The following TMEM132C variants were observed in gnomAD, a reference collection of about 807,000 sequenced individuals.
The protein encoded by TMEM132C is protein phosphatase 1, regulatory subunit 152.
A neutral mutation model predicts 61.4 loss-of-function variants in TMEM132C; 29 were observed. That is an observed-to-expected ratio of 0.47 (90% confidence interval 0.35 to 0.64). The LOEUF (loss-of-function observed/expected upper bound fraction) is 0.64. Among genes scored for constraint, TMEM132C ranks in the 30% least tolerant of loss-of-function variants. The pLI, the probability that TMEM132C is intolerant of heterozygous loss-of-function variation, is 0.00. For missense variants in TMEM132C, 1,408 were observed against 1,476.9 expected, an observed-to-expected ratio of 0.95 and a Z score of 0.76; for synonymous variants, 656 against 633.1, an observed-to-expected ratio of 1.04 and a Z score of -0.54.
intron 4 of TMEM132C, among the ~76,000 whole-genome samples, chr12:128,639,801 T>C (rs75431327): frequency 6.2e-4 from 95 of 152,330 alleles, no homozygotes; most frequent in African/African-American, 1.9e-3. Context: ...GATGAATTTG[T>C]CATCCTTCCT....
At chr12:128,429,259 G>A (rs2136036426) in intron 2 of TMEM132C, among the ~76,000 whole-genome samples, 1 of 152,308 alleles carries the variant, frequency 6.6e-6, no homozygotes, top group South Asian at 2.1e-4. Context: ...GATAGTGCTA[G>A]ATATCCTACA....
chr12:128,583,014 G>A (rs12425025), intron 3 of TMEM132C, among the ~76,000 whole-genome samples: 43,127 of 152,098 alleles, frequency 0.28, 6,882 homozygotes, highest in South Asian at 0.5. Flanking sequence ...TGGAACAGCA[G>A]TTCCATTTGT....
chr12:128,462,881 CA>C (rs1565943323), intron 2 of TMEM132C, among the ~76,000 whole-genome samples: 1 of 152,198 alleles, frequency 6.6e-6, no homozygotes, highest in Admixed American at 6.5e-5. Context: ...TCCCCAATAA[CA>C]GCAGTTTAAA....
chr12:128,441,130 G>C (rs898449506), intron 2 of TMEM132C, among the ~76,000 whole-genome samples: 12 of 152,224 alleles, frequency 7.9e-5, no homozygotes, highest in African/African-American at 2.9e-4. Flanking sequence ...AAACCCAAGA[G>C]ATGTCACAAA....
chr12:128,368,538 C>T (rs572155228), intron 1 of TMEM132C, among the ~76,000 whole-genome samples: 1 of 152,290 alleles, frequency 6.6e-6, no homozygotes, highest in East Asian at 1.9e-4. Context: ...AGTCATCACT[C>T]TGGAAATGTT....
Position 128,697,238 on chromosome 12 carries a change from G to A in TMEM132C, c.1944G>A (p.Leu648=), listed in dbSNP as rs1159686888. ...CAATCCCACAGGTGTTGTCTCCACT[G>A]TCTGACTCCATCCTGGCAGAGAAGA... is the stretch of plus-strand genomic sequence containing the variant. ...GMTTIQVLSP[L]SDSILAEKTI... Residue 648 remains leucine, a synonymous_variant, in exon 8 of 9, where the codon CTG becomes CTA. Transcript: ENST00000435159. The A allele has an allele frequency of 6.6e-7, 1 of 1,525,574 alleles. No homozygotes were observed. The highest frequency in any genetic ancestry group is 1.2e-5 in the South Asian group (1 of 81,922). 94.5% of individuals were successfully genotyped at this position (1,525,574 alleles called of 1,614,324 possible).
chr12:128,686,614 T>C (rs7298143), intron 5 of TMEM132C, among the ~76,000 whole-genome samples: 124,125 of 152,140 alleles, frequency 0.82, 52,320 homozygotes, highest in East Asian at 0.91. Flanking sequence ...ACAACAACAC[T>C]GTGTAGGCCA....
chr12:128,646,106 G>T (rs1316614190), intron 4 of TMEM132C, among the ~76,000 whole-genome samples: 1 of 151,370 alleles, frequency 6.6e-6, no homozygotes, highest in Non-Finnish European at 1.5e-5. Context: ...ATCAGCATTG[G>T]ATGTGAGTGT....
intron 1 of TMEM132C, among the ~76,000 whole-genome samples, chr12:128,374,753 C>T (rs745822680): frequency 3.3e-5 from 5 of 151,844 alleles, no homozygotes; most frequent in Non-Finnish European, 5.9e-5. Context: ...AACCCCATCT[C>T]TACTAAAAAT....
chr12:128,431,246 G>A lies in TMEM132C; in HGVS notation c.974+15626G>A, dbSNP rs1869375836. The stretch of plus-strand genomic sequence containing the variant: ...ATCCACAACTTTTCTTTAAGCCAAA[G>A]CCTAATCCAGAGCATGGCTCTAGTT... On this transcript the variant is annotated intron_variant, in intron 2 of 8. Coordinates refer to ENST00000435159, the MANE Select transcript of TMEM132C (RefSeq NM_001136103.3). 2.0e-5 allele frequency among the ~76,000 whole-genome samples: 3 copies of A among 152,360 alleles called. No individual in the cohort carries two copies. The South Asian group carries it at 6.2e-4, about 32-fold the overall frequency.
intron 1 of TMEM132C, among the ~76,000 whole-genome samples, chr12:128,396,034 A>G (rs1415083971): frequency 2.0e-5 from 3 of 152,148 alleles, no homozygotes; most frequent in Non-Finnish European, 2.9e-5. Flanking sequence ...CCTTTAGTAG[A>G]GTTGGTGGTA....
chr12:128,418,527 G>A (rs570760312), intron 2 of TMEM132C, among the ~76,000 whole-genome samples: 7 of 152,250 alleles, frequency 4.6e-5, no homozygotes, highest in East Asian at 1.9e-4. Context: ...GACTGAAGGC[G>A]CTTCTTTAAA....
intron 1 of TMEM132C, among the ~76,000 whole-genome samples, chr12:128,357,991 C>T (rs189732498): frequency 6.6e-5 from 10 of 152,188 alleles, no homozygotes; most frequent in East Asian, 1.9e-4. Context: ...CCTTGGTCCC[C>T]GGGGGTTTTG....
chr12:128,625,713 G>T, intron 4 of TMEM132C, among the ~76,000 whole-genome samples: 1 of 152,184 alleles, frequency 6.6e-6, no homozygotes. Flanking sequence ...CCCACAACAT[G>T]TACCAATTAT....
chr12:128,474,829 G>A lies in TMEM132C; in HGVS notation c.974+59209G>A, dbSNP rs549720687. 1.2e-4 allele frequency among the ~76,000 whole-genome samples: 18 copies of A among 152,260 alleles called. No homozygotes were observed. In the South Asian group the frequency reaches 3.5e-3, roughly 30 times the overall value. On this transcript the variant is annotated intron_variant, in intron 2 of 8. Transcript: ENST00000435159. ...TGCACAAATTGGTACCACATAGTAT[G>A]TCTCAGAAACAACCTGCCCCTTTCT...
chr12:128,605,182 A>G (rs886319025), intron 3 of TMEM132C, among the ~76,000 whole-genome samples: 1 of 151,840 alleles, frequency 6.6e-6, no homozygotes, highest in African/African-American at 2.4e-5. Flanking sequence ...GGCTCATGCA[A>G]TTATAGAGGC....
intron 8 of TMEM132C, among the ~76,000 whole-genome samples, chr12:128,701,374 G>T (rs917297305): frequency 6.6e-6 from 1 of 152,158 alleles, no homozygotes; most frequent in African/African-American, 2.4e-5. Flanking sequence ...GAGCCAGCTG[G>T]TGTTGGCCAG....
chr12:128,600,232 T>C (rs987646616), intron 3 of TMEM132C, among the ~76,000 whole-genome samples: 4 of 152,128 alleles, frequency 2.6e-5, no homozygotes, highest in Non-Finnish European at 5.9e-5. Flanking sequence ...TCTGCCCACC[T>C]CGGCCTCCCA....
At position 128,683,922 on chromosome 12, in the gene TMEM132C, C is replaced by T. The variant is rs190394394; in HGVS notation, c.1450-9907C>T. Among the ~76,000 whole-genome samples, 738 of 151,960 alleles carry T rather than the reference C, an allele frequency of 4.9e-3. 10 individuals are homozygous for T. The highest frequency in any genetic ancestry group is 0.017 in the African/African-American group (701 of 41,442). On this transcript the variant is annotated intron_variant, in intron 5 of 8. Transcript: ENST00000435159. ...CGGAGGTTGCAGTGAGCCAAGATTG[C>T]GCCATTGCACTCCAGCCTGGGCAAC...
Sources: allele counts gnomAD v4.1 joint callset (sites outside exome capture counted in the v4.1 genomes callset), GRCh38; gene constraint gnomAD v4.1.1; transcripts MANE v1.5; gene names NCBI Gene and HGNC (gene_info 2026-07-23, HGNC 2026-07-21).